The following FGGY variants were observed in gnomAD, a reference collection of about 807,000 sequenced individuals.
FGGY encodes FGGY carbohydrate kinase domain-containing protein.
A neutral mutation model predicts 71.3 loss-of-function variants in FGGY; 72 were observed. The observed-to-expected ratio is 1.01, with a 90% CI of 0.84 to 1.23. FGGY has a LOEUF of 1.23. FGGY is among the 50% of genes most tolerant of loss of function. The pLI is 0.00. For missense variants in FGGY, 668 were observed against 682.3 expected (o/e 0.98, Z 0.23); for synonymous variants, 251 against 250.3 (o/e 1.00, Z -0.02).
intron 14 of FGGY, among the ~76,000 whole-genome samples, chr1:59,678,486 C>T (rs2097458516): frequency 6.6e-6 from 1 of 152,186 alleles, no homozygotes; most frequent in Admixed American, 6.5e-5. Context: ...TATGCTTACA[C>T]TTTCTAAGCA....
At chr1:59,713,597 C>T (rs1386711853) in intron 14 of FGGY, among the ~76,000 whole-genome samples, 1 of 152,182 alleles carries the variant, frequency 6.6e-6, no homozygotes, top group Admixed American at 6.5e-5. Flanking sequence ...GTATTAAAAT[C>T]TCCTTTTGGT....
chr1:59,484,660 G>T (rs1242944587), intron 6 of FGGY, among the ~76,000 whole-genome samples: 1 of 152,216 alleles, frequency 6.6e-6, no homozygotes, highest in South Asian at 2.1e-4. Context: ...GTAATAAAAA[G>T]TACTCAGATT....
At chr1:59,527,772 A>T (rs1286362027) in intron 7 of FGGY, among the ~76,000 whole-genome samples, 1 of 152,272 alleles carries the variant, frequency 6.6e-6, no homozygotes, top group Non-Finnish European at 1.5e-5. Flanking sequence ...ATGAAGGGGC[A>T]ACATGAGAAA....
chr1:59,466,634 A>G (rs1446476041), intron 6 of FGGY, among the ~76,000 whole-genome samples: 1 of 152,258 alleles, frequency 6.6e-6, no homozygotes, highest in Non-Finnish European at 1.5e-5. Flanking sequence ...TCCAGAATGT[A>G]CAAAGAACTC....
intron 4 of FGGY, among the ~76,000 whole-genome samples, chr1:59,378,286 G>C (rs767471455): frequency 6.6e-6 from 1 of 151,988 alleles, no homozygotes; most frequent in Non-Finnish European, 1.5e-5. Flanking sequence ...TGCTGTTCTC[G>C]TGGTAGTGAG....
intron 11 of FGGY, chr1:59,641,329 C>G (rs1443726997): frequency 1.2e-6 from 2 of 1,603,372 alleles, no homozygotes; most frequent in Non-Finnish European, 1.7e-6. Flanking sequence ...TTGCACTCTC[C>G]CAGTTCTCTA....
intron 5 of FGGY, among the ~76,000 whole-genome samples, chr1:59,434,309 G>A (rs940646622): frequency 2.0e-5 from 3 of 152,212 alleles, no homozygotes; most frequent in African/African-American, 7.2e-5. Context: ...GTCAGATTCT[G>A]TGGTTCATTG....
intron 7 of FGGY, among the ~76,000 whole-genome samples, chr1:59,524,719 G>A (rs1477138903): frequency 1.3e-5 from 2 of 152,036 alleles, no homozygotes; most frequent in African/African-American, 4.8e-5. Context: ...TCATCTAGAC[G>A]ACCTGCCTGC....
In FGGY at chr1:59,592,466, G is replaced by C. The variant is rs376602438; in HGVS notation, c.904-15337G>C. ...ACCCAAAGGACTATAAATCATGCTG[G>C]TATAAAGACACATGCACACATATGT... On this transcript the variant is annotated intron_variant, in intron 8 of 15. Coordinates refer to ENST00000303721, the MANE Select transcript of FGGY (RefSeq NM_018291.5). Among the ~76,000 whole-genome samples the C allele has an allele frequency of 2.2e-4, 33 of 151,992 alleles. No individual in the cohort carries two copies. The East Asian group carries it at 2.5e-3, about 12-fold the overall frequency.
chr1:59,419,969 T>A (rs980392127), intron 5 of FGGY, among the ~76,000 whole-genome samples: 1 of 152,236 alleles, frequency 6.6e-6, no homozygotes, highest in African/African-American at 2.4e-5. Flanking sequence ...TAGTTCAGAA[T>A]CTTCTGAAGT....
chr1:59,501,922 A>G (rs17119531), intron 6 of FGGY, among the ~76,000 whole-genome samples: 7,648 of 152,264 alleles, frequency 0.05, 238 homozygotes, highest in East Asian at 0.12. Flanking sequence ...GTGTCAGGCG[A>G]TGTCCAATAC....
intron 1 of FGGY, chr1:59,315,607 C>T (rs951241028): frequency 6.6e-6 from 1 of 152,186 alleles, no homozygotes; most frequent in African/African-American, 2.4e-5. Context: ...AGATAAGGGC[C>T]TGGTTCCACT....
chr1:59,404,645 T>G (rs1157367437), intron 5 of FGGY, among the ~76,000 whole-genome samples: 1 of 151,952 alleles, frequency 6.6e-6, no homozygotes, highest in Non-Finnish European at 1.5e-5. Context: ...GGGGGAGAAG[T>G]GTTGAACTAA....
chr1:59,405,866 T>C (rs571046059), intron 5 of FGGY, among the ~76,000 whole-genome samples: 12 of 152,226 alleles, frequency 7.9e-5, no homozygotes, highest in African/African-American at 2.2e-4. Context: ...TATGTTACGA[T>C]GATCTCCCGT....
At chr1:59,538,880 G>T (rs1287789568) in intron 7 of FGGY, among the ~76,000 whole-genome samples, 2 of 151,126 alleles carry the variant, frequency 1.3e-5, no homozygotes, top group African/African-American at 4.9e-5. Context: ...AGCATTGGGA[G>T]ATATACCTAA....
chr1:59,566,000 G>A (rs941732885), intron 8 of FGGY, among the ~76,000 whole-genome samples: 1 of 152,148 alleles, frequency 6.6e-6, no homozygotes, highest in Non-Finnish European at 1.5e-5. Context: ...GAAGACATGC[G>A]GCTGACTTCC....
chr1:59,517,654 T>A (rs983272203), intron 7 of FGGY, among the ~76,000 whole-genome samples: 1 of 152,160 alleles, frequency 6.6e-6, no homozygotes, highest in African/African-American at 2.4e-5. Flanking sequence ...CACTGTGTCT[T>A]GCGCTTGCAG....
At position 59,416,343 on chromosome 1, in the gene FGGY, G is replaced by A. The variant is rs184013173; in HGVS notation, c.554+37506G>A. 2.8e-3 allele frequency among the ~76,000 whole-genome samples: 420 copies of A among 152,206 alleles called. 1 individual carries two copies. Among genetic ancestry groups the A allele is most frequent in the African/African-American group, 9.5e-3 (393 of 41,540 alleles). On this transcript the variant is annotated intron_variant, in intron 5 of 15. Transcript: ENST00000303721. ...GTCTGTGGTATTGAAATTTCACAGTGGCAGGGAAAAGGAAAAGACTGTCTG... is the reference window on the plus strand; with the variant it reads ...GTCTGTGGTATTGAAATTTCACAGTAGCAGGGAAAAGGAAAAGACTGTCTG...
chr1:59,633,615 G>A lies in FGGY; in HGVS notation c.1074-4613G>A, dbSNP rs546348309. On this transcript the variant is annotated intron_variant, in intron 10 of 15. Coordinates refer to ENST00000303721, the MANE Select transcript of FGGY (RefSeq NM_018291.5). Reference sequence around the variant, plus strand: ...TGGGAGTAATAATCAAGGTTGCATTGTAGAAGAACCAATCAGGAAAGAGTA... The same window carrying A: ...TGGGAGTAATAATCAAGGTTGCATTATAGAAGAACCAATCAGGAAAGAGTA... Among the ~76,000 whole-genome samples, 8 of 152,296 alleles carry A rather than the reference G, an allele frequency of 5.3e-5. No homozygotes were observed. The East Asian group carries it at 1.4e-3, about 26-fold the overall frequency.
Sources: gnomAD v4.1 joint callset for allele counts (sites outside exome capture counted in the v4.1 genomes callset) on GRCh38, gnomAD v4.1.1 for gene constraint, MANE v1.5 for transcripts, NCBI Gene and HGNC (gene_info 2026-07-23, HGNC 2026-07-21) for gene names.